The following PINX1 variants were observed in gnomAD, a reference collection of about 807,000 sequenced individuals.
The protein encoded by PINX1 is PIN2/TERF1-interacting telomerase inhibitor 1.
PINX1 carries 34 observed loss-of-function variants against 25.4 expected under a neutral mutation model. The ratio of observed to expected loss-of-function variants is 1.34; its 90% CI spans 1.02 to 1.78. The LOEUF (loss-of-function observed/expected upper bound fraction) is 1.78. PINX1 is among the 40% of genes most tolerant of loss of function. PINX1 has a pLI of 0.00. For missense variants in PINX1, 592 were observed against 404.9 expected (o/e 1.46, Z -3.97); for synonymous variants, 197 against 147.7 (o/e 1.33, Z -2.42).
chr8:10,827,551 G>C (rs1017760483), intron 4 of PINX1, among the ~76,000 whole-genome samples: 10 of 151,972 alleles, frequency 6.6e-5, no homozygotes, highest in Admixed American at 6.6e-4. Context: ...ACGATCATAG[G>C]CAGAAGAGAG....
chr8:10,803,126 A>T (rs1173225000), intron 6 of PINX1, among the ~76,000 whole-genome samples: 1 of 152,246 alleles, frequency 6.6e-6, no homozygotes, highest in Non-Finnish European at 1.5e-5. Flanking sequence ...TACAAAAAAA[A>T]TTAGTGAACC....
chr8:10,766,097 C>T (rs917063360), intron 6 of PINX1, among the ~76,000 whole-genome samples, 181 bp from the exon 7 acceptor site: 4 of 152,166 alleles, frequency 2.6e-5, no homozygotes, highest in African/African-American at 9.6e-5. Flanking sequence ...GCCTCTCTCC[C>T]TTCTGGTCGG....
intron 4 of PINX1, among the ~76,000 whole-genome samples, chr8:10,831,171 G>A (rs1369050676): frequency 2.0e-5 from 3 of 152,216 alleles, no homozygotes; most frequent in Admixed American, 1.3e-4. Flanking sequence ...AGGACATTAA[G>A]TGAAATAAGC....
At chr8:10,784,417 A>G (rs1275756332) in intron 6 of PINX1, among the ~76,000 whole-genome samples, 1 of 152,212 alleles carries the variant, frequency 6.6e-6, no homozygotes, top group African/African-American at 2.4e-5. Flanking sequence ...CTCTACTTAC[A>G]AGTTTCAGCG....
intron 1 of PINX1, among the ~76,000 whole-genome samples, chr8:10,838,295 AAC>A (rs1200854658): frequency 6.6e-6 from 1 of 152,266 alleles, no homozygotes; most frequent in African/African-American, 2.4e-5. Context: ...CGAAAAAGAA[AAC>A]ACAAAAATAT....
intron 6 of PINX1, among the ~76,000 whole-genome samples, chr8:10,791,702 C>T (rs990222353): frequency 4.6e-5 from 7 of 152,114 alleles, no homozygotes; most frequent in African/African-American, 1.7e-4. Flanking sequence ...TGTGCTTGGG[C>T]GATCTGCTGG....
At position 10,813,875 on chromosome 8, in the gene PINX1, A is replaced by G. The variant is rs1165495011; in HGVS notation, c.471+6318T>C. ...CGGAAACAAGCTGGAGAGAGGAAGG[A>G]AACTGGGAAGGTGGGGGAGGGAAAA... On this transcript the variant is annotated intron_variant, in intron 6 of 6. Transcript: ENST00000314787. Among the ~76,000 whole-genome samples, 3 of 151,364 alleles carry G rather than the reference A, an allele frequency of 2.0e-5. No individual in the cohort carries two copies. In the East Asian group the frequency reaches 5.8e-4, roughly 29 times the overall value.
intron 6 of PINX1, among the ~76,000 whole-genome samples, chr8:10,768,355 T>TC (rs1468991473): frequency 6.6e-6 from 1 of 152,246 alleles, no homozygotes; most frequent in Non-Finnish European, 1.5e-5. Flanking sequence ...CTGATTTTAA[T>TC]CACCGGAACT....
At chr8:10,839,135 C>A (rs1798493704) in intron 1 of PINX1, among the ~76,000 whole-genome samples, 1 of 152,170 alleles carries the variant, frequency 6.6e-6, no homozygotes, top group Non-Finnish European at 1.5e-5. Flanking sequence ...TCACCGACTC[C>A]ACCAAGTGAA....
intron 6 of PINX1, among the ~76,000 whole-genome samples, chr8:10,775,964 C>G (rs935102701): frequency 3.3e-5 from 5 of 152,142 alleles, no homozygotes; most frequent in Non-Finnish European, 5.9e-5. Context: ...TCCCAACCCT[C>G]CCCTCAAATC....
chr8:10,773,762 C>G (rs1801302928), intron 6 of PINX1, among the ~76,000 whole-genome samples: 1 of 152,204 alleles, frequency 6.6e-6, no homozygotes, highest in Admixed American at 6.5e-5. Flanking sequence ...GCAACAGCTT[C>G]TCAAGTAATC....
intron 6 of PINX1, among the ~76,000 whole-genome samples, chr8:10,819,638 TGTA>T (rs1797804329): frequency 1.3e-5 from 2 of 152,184 alleles, no homozygotes; most frequent in Admixed American, 1.3e-4. Context: ...CCATTGAGGG[TGTA>T]GTTTAGTCAC....
chr8:10,787,187 T>C (rs1314733765), intron 6 of PINX1, among the ~76,000 whole-genome samples: 3 of 151,802 alleles, frequency 2.0e-5, no homozygotes, highest in Non-Finnish European at 4.4e-5. Context: ...TACATATATA[T>C]ACACACATAC....
chr8:10,785,283 T>G (rs895815844), intron 6 of PINX1, among the ~76,000 whole-genome samples: 5 of 152,252 alleles, frequency 3.3e-5, no homozygotes, highest in African/African-American at 1.2e-4. Flanking sequence ...AGCTGCTTCT[T>G]GCATTATTCT....
chr8:10,815,635 C>A (rs1414516877), intron 6 of PINX1, among the ~76,000 whole-genome samples: 2 of 152,208 alleles, frequency 1.3e-5, no homozygotes, highest in Non-Finnish European at 1.5e-5. Flanking sequence ...AAGGAGGTCA[C>A]AAACTCACTA....
intron 6 of PINX1, among the ~76,000 whole-genome samples, chr8:10,783,459 T>C (rs954210371): frequency 2.6e-5 from 4 of 152,270 alleles, no homozygotes; most frequent in East Asian, 1.9e-4. Flanking sequence ...ATATGGTCTT[T>C]TTTTCTCTCT....
At chr8:10,798,980 A>G (rs1168759823) in intron 6 of PINX1, among the ~76,000 whole-genome samples, 1 of 152,228 alleles carries the variant, frequency 6.6e-6, no homozygotes. Context: ...CAATGATTTG[A>G]TATTAGAAAA....
intron 6 of PINX1, among the ~76,000 whole-genome samples, chr8:10,785,889 C>T (rs980017456): frequency 1.3e-5 from 2 of 152,140 alleles, no homozygotes; most frequent in South Asian, 2.1e-4. Flanking sequence ...TTTAGCTAGA[C>T]AAGTGTTTAG....
At chr8:10,834,914 A>T (rs752781989) in intron 1 of PINX1, 139 bp from the exon 2 acceptor site, 79 of 619,462 alleles carry the variant, frequency 1.3e-4, no homozygotes, top group Non-Finnish European at 2.0e-4. Context: ...AATTAATTCA[A>T]CACTCAACAG....
Sources: gnomAD v4.1 joint callset for allele counts (sites outside exome capture counted in the v4.1 genomes callset) on GRCh38, gnomAD v4.1.1 for gene constraint, MANE v1.5 for transcripts, NCBI Gene and HGNC (gene_info 2026-07-23, HGNC 2026-07-21) for gene names.